Variants in FBXL20 observed in about 807,000 individuals in gnomAD.
FBXL20 encodes F-box and leucine rich repeat protein 20.
In FBXL20, 11 loss-of-function variants were observed where a neutral mutation model predicts 64.0. The observed-to-expected ratio is 0.17, with a 90% confidence interval of 0.11 to 0.28. The LOEUF is 0.28. FBXL20 is among the 10% of genes least tolerant of loss of function. The probability of loss-of-function intolerance (pLI) is 1.00; values close to 1 mark genes in which losing one functional copy is unlikely to be tolerated. For synonymous variants in FBXL20, 184 were observed against 189.0 expected, an observed-to-expected ratio of 0.97 and a Z score of 0.22; for missense variants, 303 against 526.2, an observed-to-expected ratio of 0.58 and a Z score of 4.15.
chr17:39,269,158 G>C (rs944294366), intron 11 of FBXL20, among the ~76,000 whole-genome samples: 4 of 151,790 alleles, frequency 2.6e-5, no homozygotes, highest in Non-Finnish European at 4.4e-5. Context: ...CTATAGGAAT[G>C]TGCCACCACA....
chr17:39,296,605 A>G (rs1013010187), intron 6 of FBXL20, among the ~76,000 whole-genome samples: 5 of 151,558 alleles, frequency 3.3e-5, no homozygotes, highest in Non-Finnish European at 7.4e-5. Context: ...TAGTAGAGTT[A>G]ATGAATAACT....
chr17:39,401,602 G>A lies in FBXL20; in HGVS notation c.-200C>T. The stretch of plus-strand genomic sequence containing the variant: ...CGCGGCGCCGGCGGCCGCAACGACT[G>A]CTCGTCGCTAGCTCGGCTCTCTCCT... On this transcript the variant is annotated 5_prime_UTR_variant, in exon 1 of 15. Coordinates refer to ENST00000264658, the MANE Select transcript of FBXL20 (RefSeq NM_032875.3). The A allele has an allele frequency of 7.1e-7, 1 of 1,404,546 alleles. No homozygotes were observed. Among genetic ancestry groups the A allele is most frequent in the African/African-American group, 1.5e-5 (1 of 65,550 alleles). The allele number at this position is 1,404,546 out of a possible 1,614,324, so 87.0% of individuals were successfully genotyped here.
chr17:39,317,506 A>C (rs1340886626), intron 2 of FBXL20, among the ~76,000 whole-genome samples: 5 of 152,064 alleles, frequency 3.3e-5, no homozygotes, highest in Non-Finnish European at 7.4e-5. Context: ...CTGGGATTAC[A>C]GGCGTGATCC....
At chr17:39,268,684 A>G (rs2046813254) in intron 12 of FBXL20, 143 bp downstream of exon 12, 1 of 648,594 alleles carries the variant, frequency 1.5e-6, no homozygotes, top group Admixed American at 2.9e-5. Flanking sequence ...TCTGCCTGGA[A>G]GATACCTTAC....
intron 10 of FBXL20, among the ~76,000 whole-genome samples, chr17:39,273,175 G>A (rs528933889): frequency 5.9e-5 from 9 of 151,994 alleles, no homozygotes; most frequent in African/African-American, 1.9e-4. Flanking sequence ...GGGCCACCAC[G>A]CCTGTAATTT....
intron 13 of FBXL20, 150 bp downstream of exon 13, chr17:39,265,247 T>G (rs1394942964): frequency 5.2e-6 from 3 of 579,442 alleles, no homozygotes; most frequent in Non-Finnish European, 9.2e-6. Context: ...ACTTCACTCA[T>G]GTACTCCTTT....
intron 2 of FBXL20, among the ~76,000 whole-genome samples, chr17:39,313,739 G>T (rs767239916): frequency 1.3e-5 from 2 of 152,124 alleles, no homozygotes; most frequent in Admixed American, 1.3e-4. Flanking sequence ...GGGTTCAAGC[G>T]ATTCTCCTGC....
chr17:39,363,810 C>CAAAAAAAAAAAACAA (rs1567896910), intron 1 of FBXL20, among the ~76,000 whole-genome samples: 2 of 26,660 alleles, frequency 7.5e-5, no homozygotes, highest in Admixed American at 4.7e-4. Context: ...GACTTTATCT[C>CAAAAAAAAAAAACAA]AAAAAAAAAA....
chr17:39,359,335 C>T (rs1468920633), intron 1 of FBXL20, among the ~76,000 whole-genome samples: 1 of 151,936 alleles, frequency 6.6e-6, no homozygotes, highest in Non-Finnish European at 1.5e-5. Context: ...CAGCAAGATC[C>T]TGTCTCAAAA....
At chr17:39,295,019 T>C (rs929643279) in intron 6 of FBXL20, among the ~76,000 whole-genome samples, 6 of 152,188 alleles carry the variant, frequency 3.9e-5, no homozygotes, top group African/African-American at 7.2e-5. Context: ...TGTTAAAGAG[T>C]ACATACTGAA....
chr17:39,389,384 G>A (rs2048114155), intron 1 of FBXL20, among the ~76,000 whole-genome samples: 2 of 152,270 alleles, frequency 1.3e-5, no homozygotes, highest in South Asian at 4.1e-4. Context: ...TTCTTTACAT[G>A]AAACACATGC....
intron 1 of FBXL20, among the ~76,000 whole-genome samples, chr17:39,376,712 G>C (rs2047970516): frequency 6.6e-6 from 1 of 152,190 alleles, no homozygotes; most frequent in Admixed American, 6.6e-5. Context: ...TGACCACTAA[G>C]CTAATGGAAC....
chr17:39,372,281 G>A (rs1316871714), intron 1 of FBXL20, among the ~76,000 whole-genome samples: 1 of 151,918 alleles, frequency 6.6e-6, no homozygotes, highest in Non-Finnish European at 1.5e-5. Flanking sequence ...AGCACTTTGG[G>A]AGGCTGAGGC....
chr17:39,351,730 G>C (rs888076625), intron 1 of FBXL20, among the ~76,000 whole-genome samples: 4 of 152,126 alleles, frequency 2.6e-5, no homozygotes, highest in Admixed American at 2.6e-4. Context: ...TTACAAGGAA[G>C]TAATCAGCAG....
rs2047213259 is a variant in FBXL20 at position 39,309,624 on chromosome 17, G to A, written c.105-5985C>T. Among the ~76,000 whole-genome samples, 8 of 150,714 alleles carry A rather than the reference G, an allele frequency of 5.3e-5. No homozygotes were observed. The South Asian group carries it at 1.0e-3, about 20-fold the overall frequency. On this transcript the variant is annotated intron_variant, in intron 2 of 14. Coordinates refer to ENST00000264658, the MANE Select transcript of FBXL20 (RefSeq NM_032875.3). ...TCGAGACCAGCCTGGCCAATATGGC[G>A]AAACCCCGTCTCTACTAAAATACAA...
chr17:39,258,912 G>A lies in FBXL20; in HGVS notation c.*2548C>T, dbSNP rs957141528. The A allele has an allele frequency of 1.3e-5, 2 of 152,106 alleles. No individual in the cohort carries two copies. Among genetic ancestry groups the A allele is most frequent in the African/African-American group, 4.8e-5 (2 of 41,422 alleles). The allele number at this position is 152,106 out of a possible 1,614,324, so 9.4% of individuals were successfully genotyped here. A position where few individuals can be genotyped will look rare whatever the true frequency, so the allele number is the denominator to read the frequency against. On this transcript the variant is annotated 3_prime_UTR_variant, in exon 15 of 15. Coordinates refer to ENST00000264658, the MANE Select transcript of FBXL20 (RefSeq NM_032875.3). ...TGTGTAGGGGTACAGACAAGAAACT[G>A]AGTTTCATGTTAAAAACTATATTCC...
At chr17:39,332,804 G>A (rs1392336480) in intron 2 of FBXL20, among the ~76,000 whole-genome samples, 1 of 152,024 alleles carries the variant, frequency 6.6e-6, no homozygotes, top group East Asian at 1.9e-4. Flanking sequence ...GCCTCCCAAA[G>A]TGGTGGGATT....
chr17:39,293,088 T>C (rs924835230), intron 6 of FBXL20, among the ~76,000 whole-genome samples: 2 of 151,498 alleles, frequency 1.3e-5, no homozygotes, highest in African/African-American at 4.9e-5. Flanking sequence ...CCACTGTGCC[T>C]GGCCAACATG....
Position 39,261,309 on chromosome 17 carries a change from T to C in FBXL20, c.*151A>G, listed in dbSNP as rs1164091301. On this transcript the variant is annotated 3_prime_UTR_variant, in exon 15 of 15. Transcript: ENST00000264658. ...ATGGGGGTAAGGGTGTGTATGTGTA[T>C]GTATGTGTGGCTCTGGGGATCTGGA... 31 of 682,634 alleles carry C rather than the reference T, an allele frequency of 4.5e-5. No individual in the cohort carries two copies. Among genetic ancestry groups the C allele is most frequent in the Non-Finnish European group, 8.3e-5 (31 of 373,570 alleles). 42.3% of individuals were successfully genotyped at this position (682,634 alleles called of 1,614,324 possible). A position where few individuals can be genotyped will look rare whatever the true frequency, so the allele number is the denominator to read the frequency against.
Sources: gnomAD v4.1 joint callset for allele counts (sites outside exome capture counted in the v4.1 genomes callset) on GRCh38, gnomAD v4.1.1 for gene constraint, MANE v1.5 for transcripts, NCBI Gene and HGNC (gene_info 2026-07-23, HGNC 2026-07-21) for gene names.